KDM2A: variants seen among roughly 807,000 people sequenced by gnomAD.
The protein encoded by KDM2A is lysine-specific demethylase 2A.
A neutral mutation model predicts 137.3 loss-of-function variants in KDM2A; 3 were observed. The ratio of observed to expected loss-of-function variants is 0.02; its 90% confidence interval spans 0.01 to 0.06. KDM2A has a LOEUF of 0.06. KDM2A is among the 10% of genes least tolerant of loss of function. The probability of loss-of-function intolerance (pLI) is 1.00; values close to 1 mark genes in which losing one functional copy is unlikely to be tolerated. For synonymous variants in KDM2A, 512 were observed against 541.5 expected (o/e 0.95, Z 0.76); for missense variants, 738 against 1,510.6 (o/e 0.49, Z 8.48).
intron 2 of KDM2A, among the ~76,000 whole-genome samples, chr11:67,159,444 T>G (rs968538493): frequency 6.6e-6 from 1 of 152,232 alleles, no homozygotes; most frequent in African/African-American, 2.4e-5. Flanking sequence ...GGAAGTTGGA[T>G]CTAGAAGATT....
chr11:67,192,134 G>A (rs1337629316), intron 5 of KDM2A, among the ~76,000 whole-genome samples: 1 of 151,974 alleles, frequency 6.6e-6, no homozygotes, highest in East Asian at 1.9e-4. Context: ...ATCTCTTTTT[G>A]CAGAAGTTTG....
intron 12 of KDM2A, among the ~76,000 whole-genome samples, chr11:67,242,213 CT>C (rs1297993154): frequency 1.3e-5 from 2 of 152,042 alleles, no homozygotes; most frequent in Non-Finnish European, 2.9e-5. Context: ...ACTTTTGCCC[CT>C]AAGATTGTTC....
At chr11:67,133,133 C>G (rs554021408) in intron 2 of KDM2A, among the ~76,000 whole-genome samples, 1 of 152,094 alleles carries the variant, frequency 6.6e-6, no homozygotes, top group East Asian at 1.9e-4. Flanking sequence ...GAGTTTCACT[C>G]TTGTTGGCCA....
chr11:67,164,690 G>A lies in KDM2A; in HGVS notation c.43-15389G>A, dbSNP rs185014770. On this transcript the variant is annotated intron_variant, in intron 2 of 20. Coordinates refer to ENST00000529006, the MANE Select transcript of KDM2A (RefSeq NM_012308.3). ...GGCTGGAGTGTAGTGGCACAATCTC[G>A]GCTCACGGCAACCTCCACCTCCCAG... Among the ~76,000 whole-genome samples the A allele has an allele frequency of 2.2e-3, 341 of 151,724 alleles. 2 individuals carry two copies. Among genetic ancestry groups the A allele is most frequent in the African/African-American group, 7.7e-3 (317 of 41,364 alleles).
chr11:67,162,751 T>C (rs982926921), intron 2 of KDM2A, among the ~76,000 whole-genome samples: 8 of 152,140 alleles, frequency 5.3e-5, no homozygotes, highest in Admixed American at 3.9e-4. Flanking sequence ...TCTTGCTCTT[T>C]TGCCCAGGCT....
intron 2 of KDM2A, among the ~76,000 whole-genome samples, chr11:67,129,681 C>G (rs1420711582): frequency 1.3e-5 from 2 of 150,684 alleles, no homozygotes; most frequent in Non-Finnish European, 3.0e-5. Context: ...TTGCAGTGAG[C>G]CCAGATCACG....
intron 2 of KDM2A, among the ~76,000 whole-genome samples, chr11:67,136,580 G>A (rs778596211): frequency 1.3e-5 from 2 of 152,164 alleles, no homozygotes; most frequent in African/African-American, 2.4e-5. Context: ...GATACTTGTA[G>A]GATGGAGAAT....
At position 67,254,182 on chromosome 11, in the gene KDM2A, GCTCTT is replaced by G. The variant is rs1859527985; in HGVS notation, c.3092-15_3092-11del. 2 of 1,601,338 alleles carry G rather than the reference GCTCTT, an allele frequency of 1.2e-6. No homozygotes were observed. Among genetic ancestry groups the G allele is most frequent in the Admixed American group, 1.7e-5 (1 of 59,546 alleles). On this transcript the variant is annotated splice_polypyrimidine_tract_variant and intron_variant, in intron 19 of 20. Coordinates refer to ENST00000529006, the MANE Select transcript of KDM2A (RefSeq NM_012308.3). The surrounding 1 kb of genome is among the most constrained non-coding windows in gnomAD (Gnocchi z 4.7). Reference sequence around the variant, plus strand: ...TAGAGAATTGAGAGTTTTGATCTAGGCTCTTCTCTTGCCTGTACAGGTCAGGACAA... The same window carrying G: ...TAGAGAATTGAGAGTTTTGATCTAGGCTCTTGCCTGTACAGGTCAGGACAA...
intron 11 of KDM2A, among the ~76,000 whole-genome samples, chr11:67,230,340 C>T (rs1306682722): frequency 3.9e-5 from 6 of 152,112 alleles, no homozygotes; most frequent in African/African-American, 1.4e-4. Flanking sequence ...CAACAAAACA[C>T]ATATAGACCA....
At chr11:67,228,361 T>C (rs1362163040) in intron 11 of KDM2A, among the ~76,000 whole-genome samples, 198 bp downstream of exon 11, 1 of 152,208 alleles carries the variant, frequency 6.6e-6, no homozygotes, top group Non-Finnish European at 1.5e-5. Context: ...ACTCTGGATC[T>C]GATCTTTGTC....
rs1859532886 is a variant in KDM2A at position 67,254,339 on chromosome 11, C to T, written c.3228C>T (p.His1076=). 4 of 1,613,924 alleles carry T rather than the reference C, an allele frequency of 2.5e-6. No individual in the cohort carries two copies. The highest frequency in any genetic ancestry group is 3.4e-6 in the Non-Finnish European group (4 of 1,179,906). The stretch of plus-strand genomic sequence containing the variant: ...GACTCGACCTCAGTCACTGCAGCCA[C>T]CTTACAGATCAGTCCTCCAATCTAC... ...LSRLDLSHCS[H]LTDQSSNLLT... The change falls in exon 20 of 21, where the codon CAC becomes CAT. Residue 1076 remains histidine, a synonymous_variant. Coordinates refer to ENST00000529006, the MANE Select transcript of KDM2A (RefSeq NM_012308.3). The surrounding 1 kb of genome is among the most constrained non-coding windows in gnomAD (Gnocchi z 4.7).
At chr11:67,171,300 T>G (rs1397642424) in intron 2 of KDM2A, among the ~76,000 whole-genome samples, 1 of 152,054 alleles carries the variant, frequency 6.6e-6, no homozygotes, top group Non-Finnish European at 1.5e-5. Flanking sequence ...CGAGGCCGAG[T>G]CTGAAATTAG....
intron 2 of KDM2A, among the ~76,000 whole-genome samples, chr11:67,125,214 T>C (rs1855692865): frequency 6.6e-6 from 1 of 151,198 alleles, no homozygotes; most frequent in Non-Finnish European, 1.5e-5. Context: ...GATAGGGGTC[T>C]TTGTCGCCCA....
intron 12 of KDM2A, among the ~76,000 whole-genome samples, chr11:67,235,302 AT>A (rs139776975): frequency 0.082 from 11,079 of 134,486 alleles, 1,380 homozygotes; most frequent in African/African-American, 0.29. Flanking sequence ...TACTATGAGA[AT>A]TTTTTTTTTT....
chr11:67,195,106 AG>A (rs1352956432), intron 5 of KDM2A, among the ~76,000 whole-genome samples: 1 of 152,194 alleles, frequency 6.6e-6, no homozygotes, highest in African/African-American at 2.4e-5. Context: ...ATTTCTTGTC[AG>A]AACCCATTGA....
intron 13 of KDM2A, chr11:67,243,381 A>G (rs913728177): frequency 4.1e-6 from 1 of 245,556 alleles, no homozygotes; most frequent in African/African-American, 2.2e-5. Flanking sequence ...CCAGTTACTC[A>G]GCTATCTTCA....
chr11:67,160,511 C>T (rs1856611639), intron 2 of KDM2A, among the ~76,000 whole-genome samples: 1 of 152,178 alleles, frequency 6.6e-6, no homozygotes, highest in Admixed American at 6.6e-5. Context: ...GATGTTCACA[C>T]CTGTAATCCC....
intron 2 of KDM2A, among the ~76,000 whole-genome samples, chr11:67,141,735 C>T (rs1856108017): frequency 6.8e-6 from 1 of 147,318 alleles, no homozygotes; most frequent in Non-Finnish European, 1.5e-5. Flanking sequence ...TTATAGTCAC[C>T]CTACTTACGA....
intron 2 of KDM2A, among the ~76,000 whole-genome samples, chr11:67,149,950 G>C (rs548838978): frequency 6.6e-6 from 1 of 151,952 alleles, no homozygotes; most frequent in Admixed American, 6.6e-5. Context: ...TTGAACTCCC[G>C]ACCTCAGGTG....
Sources: allele counts gnomAD v4.1 joint callset (sites outside exome capture counted in the v4.1 genomes callset), GRCh38; gene constraint gnomAD v4.1.1; non-coding constraint Gnocchi (gnomAD v3.1); transcripts MANE v1.5; gene names NCBI Gene and HGNC (gene_info 2026-07-23, HGNC 2026-07-21).